FAM186A: variants seen among roughly 807,000 people sequenced by gnomAD.
The protein encoded by FAM186A is family with sequence similarity 186 member A, also known as protein FAM186A.
A neutral mutation model predicts 216.8 loss-of-function variants in FAM186A; 163 were observed. That is an observed-to-expected ratio of 0.75 (90% CI 0.66 to 0.86). The LOEUF (loss-of-function observed/expected upper bound fraction) is 0.86, where lower values mean the gene tolerates loss of function less well. Among genes scored for constraint, FAM186A ranks in the 40% least tolerant of loss-of-function variants. The pLI, the probability that FAM186A is intolerant of heterozygous loss-of-function variation, is 0.00. For synonymous variants in FAM186A, 805 were observed against 1,025.3 expected (o/e 0.79, Z 4.10); for missense variants, 2,184 against 2,746.2 (o/e 0.80, Z 4.58).
At chr12:50,382,955 G>A (rs1174712282) in intron 1 of FAM186A, among the ~76,000 whole-genome samples, 3 of 151,804 alleles carry the variant, frequency 2.0e-5, no homozygotes, top group African/African-American at 7.3e-5. Context: ...AAACAAGGTC[G>A]GGCATAGCGG....
chr12:50,388,859 C>T (rs568437459), intron 1 of FAM186A, among the ~76,000 whole-genome samples: 360 of 151,972 alleles, frequency 2.4e-3, no homozygotes, highest in Middle Eastern at 0.01. Context: ...TTGAGACCAG[C>T]CTGGCCAACA....
chr12:50,367,581 T>G (rs1398823663), intron 1 of FAM186A, among the ~76,000 whole-genome samples: 1 of 151,620 alleles, frequency 6.6e-6, no homozygotes, highest in Non-Finnish European at 1.5e-5. Context: ...AAAGTAAAAT[T>G]ATCTCTGTTC....
At chr12:50,366,112 G>A (rs1943085139) in intron 1 of FAM186A, 10 of 627,242 alleles carry the variant, frequency 1.6e-5, no homozygotes, top group Non-Finnish European at 2.6e-5. Flanking sequence ...TACGAGCTTT[G>A]ATTAATACTT....
At chr12:50,386,248 G>GC (rs151015253) in intron 1 of FAM186A, among the ~76,000 whole-genome samples, 19,747 of 151,864 alleles carry the variant, frequency 0.13, 2,197 homozygotes, top group African/African-American at 0.29. Flanking sequence ...GGCCAACATG[G>GC]CGAAACCCTG....
Position 50,334,022 on chromosome 12 carries a change from G to A in FAM186A, c.6585C>T (p.Ser2195=). The A allele has an allele frequency of 6.4e-7, 1 of 1,551,668 alleles. No individual in the cohort carries two copies. The highest frequency in any genetic ancestry group is 8.7e-7 in the Non-Finnish European group (1 of 1,146,992). Reference sequence around the variant, plus strand: ...CCTTTTTCCCGTAGTCATCAAGTCTGCTCAGCATCATGTGGAGGTTCCTGG... The same window carrying A: ...CCTTTTTCCCGTAGTCATCAAGTCTACTCAGCATCATGTGGAGGTTCCTGG... ...YEARNLHMML[S]RLDDYGKKVM... is the part of the protein sequence containing the mutation. The change falls in exon 5 of 8, where the codon AGC becomes AGT. Residue 2195 remains serine, a synonymous_variant. Coordinates refer to ENST00000327337, the MANE Select transcript of FAM186A (RefSeq NM_001145475.3).
rs1261727094 is a variant in FAM186A, at chr12:50,353,486, C to T, written c.3346G>A (p.Ala1116Thr). 3.2e-6 allele frequency: 5 copies of T among 1,539,270 alleles called. No homozygotes were observed. The highest frequency in any genetic ancestry group is 4.9e-5 in the East Asian group (2 of 40,768). Residue 1116 changes from alanine to threonine, a missense_variant, in exon 4 of 8, where the codon GCC becomes ACC. Physicochemically the swap from Ala to Thr is moderately conservative, Grantham distance 58 (BLOSUM62 0). This residue lies in a region of FAM186A where 267 missense variants were observed against 446.2 expected (regional missense o/e 0.60). Transcript: ENST00000327337. ...ELGIPLTPQQ[A>T]QALEILFTPQ... is the part of the protein sequence containing the mutation. ...GTGAAAAGGATCTCCAGGGCCTGGG[C>T]CTGCTGAGGGGTGAGAGGGATCCCT... is the stretch of plus-strand genomic sequence containing the variant.
At position 50,352,217 on chromosome 12, in the gene FAM186A, A is replaced by T; in HGVS notation, c.4615T>A (p.Leu1539Met). ...TGCTGAGGGGTGAGAGGGATCCCCA[A>T]TTCCTGAGCCTGCGGAGGGATCAGA... ...IPLIPPQAQELGIPLTPQQVQ... is the reference protein window; with the variant it reads ...IPLIPPQAQEMGIPLTPQQVQ... The change falls in exon 4 of 8, where the codon TTG becomes ATG. Residue 1539 changes from leucine (L) to methionine (M), a missense_variant. Around this residue, in one of 7 missense-constraint regions of FAM186A, gnomAD observed 19 missense variants for 22.4 expected, o/e 0.85. Transcript: ENST00000327337. The T allele has an allele frequency of 7.1e-7, 1 of 1,404,638 alleles. No individual in the cohort carries two copies. 87.0% of individuals were successfully genotyped at this position (1,404,638 alleles called of 1,614,324 possible).
Position 50,351,180 on chromosome 12 carries a change from C to CT in FAM186A, c.5651dup (p.Leu1885AlafsTer11). ...TGGCAGGAGGCTGGAATTCCTGGAG[C>CT]TGCTCAGAGAAGGTTAAGGGTCCAG... On this transcript the variant is annotated frameshift_variant, in exon 4 of 8. Coordinates refer to ENST00000327337, the MANE Select transcript of FAM186A (RefSeq NM_001145475.3). LOFTEE classifies it high-confidence loss of function. 1.3e-6 allele frequency: 2 copies of CT among 1,551,524 alleles called. No homozygotes were observed. Among genetic ancestry groups the CT allele is most frequent in the Non-Finnish European group, 1.7e-6 (2 of 1,146,966 alleles).
intron 1 of FAM186A, among the ~76,000 whole-genome samples, chr12:50,369,691 C>CA (rs1943123480): frequency 6.6e-6 from 1 of 151,292 alleles, no homozygotes; most frequent in South Asian, 2.1e-4. Context: ...AAAGAAAAAC[C>CA]AAAAAACCCA....
chr12:50,338,737 A>G (rs530118313), intron 4 of FAM186A, among the ~76,000 whole-genome samples: 27 of 152,028 alleles, frequency 1.8e-4, no homozygotes, highest in African/African-American at 6.0e-4. Context: ...TTAAAAATTC[A>G]CTTCTACCAA....
At chr12:50,379,158 G>C (rs1040584736) in intron 1 of FAM186A, among the ~76,000 whole-genome samples, 1 of 150,942 alleles carries the variant, frequency 6.6e-6, no homozygotes, top group African/African-American at 2.4e-5. Context: ...TACAAAAATT[G>C]GGCCGGGCAC....
At chr12:50,391,750 C>T (rs998938265) in intron 1 of FAM186A, among the ~76,000 whole-genome samples, 1 of 152,194 alleles carries the variant, frequency 6.6e-6, no homozygotes, top group African/African-American at 2.4e-5. Context: ...GGATTACAGG[C>T]ATGGGCAACT....
chr12:50,351,495 T>C lies in FAM186A; in HGVS notation c.5337A>G (p.Glu1779=). Residue 1779 remains glutamate (E), a synonymous_variant, in exon 4 of 8, where the codon GAA becomes GAG. Transcript: ENST00000327337. ...TCCCAGGCTCAGAAAGAATCCCCAT[T>C]TCTAGGGGCTTCCCAGGGGCAAAGG... ...QGPFAPGKPL[E]MGILSEPGKL... 6.7e-7 allele frequency: 1 copy of C among 1,492,068 alleles called. No individual in the cohort carries two copies. The highest frequency in any genetic ancestry group is 1.4e-5 in the South Asian group (1 of 72,126). 92.4% of individuals were successfully genotyped at this position (1,492,068 alleles called of 1,614,324 possible). A position where few individuals can be genotyped will look rare whatever the true frequency, so the allele number is the denominator to read the frequency against.
rs1414329437 is a variant in FAM186A at position 50,353,905 on chromosome 12, T to TC, written c.2926dup (p.Glu976GlyfsTer21). 1 of 1,552,744 alleles carries TC rather than the reference T, an allele frequency of 6.4e-7. No individual in the cohort carries two copies. On this transcript the variant is annotated frameshift_variant, in exon 4 of 8. Coordinates refer to ENST00000327337, the MANE Select transcript of FAM186A (RefSeq NM_001145475.3). LOFTEE classifies it high-confidence loss of function. ...TGTTTTGATCTGCCTTTCGAGGTCCTCTAGCCCTCTCTCTGGCTTCTGCTT... is the reference window on the plus strand; with the variant it reads ...TGTTTTGATCTGCCTTTCGAGGTCCTCCTAGCCCTCTCTCTGGCTTCTGCTT...
At chr12:50,336,823 A>ATT (rs565220649) in intron 4 of FAM186A, among the ~76,000 whole-genome samples, 20 of 144,342 alleles carry the variant, frequency 1.4e-4, no homozygotes, top group African/African-American at 5.1e-4. Flanking sequence ...ATCTTCTCTT[A>ATT]TTTTTTTTTT....
At position 50,355,220 on chromosome 12, in the gene FAM186A, C is replaced by T. The variant is rs959523367; in HGVS notation, c.1612G>A (p.Gly538Arg). ...TGCTCCAACATCATCATACTTGTTCCACTTTTGCCACCTTGGCTCTTTGTT... is the reference window on the plus strand; with the variant it reads ...TGCTCCAACATCATCATACTTGTTCTACTTTTGCCACCTTGGCTCTTTGTT... ...TETKSQGGKS[G>R]TSMMMLEQFR... is the part of the protein sequence containing the mutation. Residue 538 changes from glycine to arginine, a missense_variant, in exon 4 of 8, where the codon GGA becomes AGA. Coordinates refer to ENST00000327337, the MANE Select transcript of FAM186A (RefSeq NM_001145475.3). 1.3e-6 allele frequency: 2 copies of T among 1,551,580 alleles called. No individual in the cohort carries two copies. The highest frequency in any genetic ancestry group is 2.7e-5 in the African/African-American group (2 of 73,064).
chr12:50,328,368 C>T (rs913838512), intron 7 of FAM186A, among the ~76,000 whole-genome samples: 1 of 151,912 alleles, frequency 6.6e-6, no homozygotes, highest in African/African-American at 2.4e-5. Flanking sequence ...AGCACGACCA[C>T]GTCTCTAAAA....
chr12:50,369,085 C>A (rs1943117344), intron 1 of FAM186A, among the ~76,000 whole-genome samples: 1 of 151,658 alleles, frequency 6.6e-6, no homozygotes, highest in Non-Finnish European at 1.5e-5. Context: ...AGATTAAAGA[C>A]CTAACACTTA....
chr12:50,395,238 G>C (rs1332302988), intron 1 of FAM186A, among the ~76,000 whole-genome samples: 1 of 152,002 alleles, frequency 6.6e-6, no homozygotes, highest in Non-Finnish European at 1.5e-5. Context: ...ACAGGTTTGA[G>C]CTAACATGCC....
Sources: gnomAD v4.1 joint callset for allele counts (sites outside exome capture counted in the v4.1 genomes callset) on GRCh38, gnomAD v4.1.1 for gene constraint, gnomAD v4.1.1 regional missense constraint, MANE v1.5 for transcripts, NCBI Gene and HGNC (gene_info 2026-07-23, HGNC 2026-07-21) for gene names.